The following LAMA4 variants were observed in gnomAD, a reference collection of about 807,000 sequenced individuals.
LAMA4 encodes the protein laminin subunit alpha 4.
Under a neutral mutation model 207.1 loss-of-function variants are expected in LAMA4, and 127 were observed. The observed-to-expected ratio is 0.61, with a 90% CI of 0.53 to 0.71. The LOEUF is 0.71. LAMA4 is among the 30% of genes least tolerant of loss of function. LAMA4 has a pLI of 0.00. For synonymous variants in LAMA4, 761 were observed against 816.0 expected, an observed-to-expected ratio of 0.93 and a Z score of 1.15; for missense variants, 2,093 against 2,246.5, an observed-to-expected ratio of 0.93 and a Z score of 1.38.
At chr6:112,153,229 T>C (rs1554336123) in intron 16 of LAMA4, among the ~76,000 whole-genome samples, 1 of 151,844 alleles carries the variant, frequency 6.6e-6, no homozygotes, top group Non-Finnish European at 1.5e-5. Flanking sequence ...TGGAGAAATG[T>C]AATCTGAAAT....
chr6:112,184,141 A>T (rs782779648), intron 9 of LAMA4, among the ~76,000 whole-genome samples: 2 of 152,052 alleles, frequency 1.3e-5, no homozygotes, highest in Non-Finnish European at 2.9e-5. Flanking sequence ...GCCGGGAACT[A>T]GGGACACAAT....
intron 10 of LAMA4, among the ~76,000 whole-genome samples, 179 bp downstream of exon 10, chr6:112,177,942 T>G (rs1302668468): frequency 6.6e-6 from 1 of 152,214 alleles, no homozygotes; most frequent in Non-Finnish European, 1.5e-5. Context: ...GGATGAGTGC[T>G]CAGAAATTCC....
At chr6:112,230,676 A>G (rs1425503835) in intron 2 of LAMA4, among the ~76,000 whole-genome samples, 2 of 152,190 alleles carry the variant, frequency 1.3e-5, no homozygotes, top group East Asian at 1.9e-4. Context: ...TTTAGGGCAC[A>G]CAGCTTAGCA....
intron 5 of LAMA4, among the ~76,000 whole-genome samples, chr6:112,195,758 C>T (rs1783377340): frequency 6.6e-6 from 1 of 152,144 alleles, no homozygotes; most frequent in Non-Finnish European, 1.5e-5. Context: ...ACTATTAAAG[C>T]TGCTATGGGA....
Position 112,186,195 on chromosome 6 carries a change from A to G in LAMA4, c.967-848T>C, listed in dbSNP as rs926183442. Reference sequence around the variant, plus strand: ...AGGTACTGTTCTAACTTCTGTACATATATCAATTCACTGAATTCTCTCAAC... The same window carrying G: ...AGGTACTGTTCTAACTTCTGTACATGTATCAATTCACTGAATTCTCTCAAC... On this transcript the variant is annotated intron_variant, in intron 8 of 38. Coordinates refer to ENST00000230538, the MANE Select transcript of LAMA4 (RefSeq NM_001105206.3). Among the ~76,000 whole-genome samples, 3 of 152,348 alleles carry G rather than the reference A, an allele frequency of 2.0e-5. No individual in the cohort carries two copies. In the East Asian group the frequency reaches 5.8e-4, roughly 29 times the overall value.
In LAMA4 at chr6:112,172,614, A is replaced by T; in HGVS notation, c.1548T>A (p.His516Gln). The change falls in exon 12 of 39, where the codon CAT becomes CAA. Residue 516 changes from histidine to glutamine, a missense_variant. Physicochemically the swap from His to Gln is conservative, Grantham distance 24 (BLOSUM62 0). This residue lies in a region of LAMA4 where 1,704 missense variants were observed against 1,788.4 expected (regional missense o/e 0.95). Transcript: ENST00000230538. ...NRATAARQRD[H>Q]EKQQERVREQ... ...TGATGGTGAGTGTCCGCTGTACCTC[A>T]TGGTCCCGCTGCCTGGCTGCTGTGG... 1 of 1,612,648 alleles carries T rather than the reference A, an allele frequency of 6.2e-7. No homozygotes were observed. Among genetic ancestry groups the T allele is most frequent in the Non-Finnish European group, 8.5e-7 (1 of 1,179,940 alleles).
chr6:112,204,529 A>T (rs1488356017), intron 4 of LAMA4, among the ~76,000 whole-genome samples: 5 of 150,442 alleles, frequency 3.3e-5, no homozygotes, highest in Middle Eastern at 3.4e-3. Context: ...TTCTGAGCAG[A>T]TGAGGCTACA....
At chr6:112,123,104 T>C (rs1253870985) in intron 31 of LAMA4, among the ~76,000 whole-genome samples, 1 of 152,176 alleles carries the variant, frequency 6.6e-6, no homozygotes, top group Non-Finnish European at 1.5e-5. Context: ...AAGTTTTGTT[T>C]TTTAGGTGAT....
chr6:112,203,810 G>T (rs1374967322), intron 4 of LAMA4, among the ~76,000 whole-genome samples: 1 of 152,142 alleles, frequency 6.6e-6, no homozygotes, highest in Non-Finnish European at 1.5e-5. Context: ...TTTTCAGTAG[G>T]TTTTTCAACC....
chr6:112,211,567 A>G (rs1784356276), intron 3 of LAMA4, among the ~76,000 whole-genome samples: 1 of 152,234 alleles, frequency 6.6e-6, no homozygotes, highest in African/African-American at 2.4e-5. Flanking sequence ...ACAAAGAACA[A>G]TACAGTGTGT....
Position 112,144,889 on chromosome 6 carries a change from G to A in LAMA4, c.2398C>T (p.Arg800Cys), listed in dbSNP as rs202184174. 8.5e-5 allele frequency: 137 copies of A among 1,613,886 alleles called. No homozygotes were observed. The African/African-American group carries it at 1.7e-3, about 20-fold the overall frequency. Reference protein sequence around the residue: ...EVVPQLLDQLRTVEQKRPASN... With the variant: ...EVVPQLLDQLCTVEQKRPASN... ...GCAGGTCGCTTCTGCTCAACCGTAC[G>A]AAGCTGATCCAGGAGCTGAGGGACA... The change falls in exon 19 of 39, where the codon CGT becomes TGT. Residue 800 changes from arginine (R) to cysteine (C), a missense_variant. Physicochemically the swap from Arg to Cys is radical, Grantham distance 180. Coordinates refer to ENST00000230538, the MANE Select transcript of LAMA4 (RefSeq NM_001105206.3).
intron 24 of LAMA4, 80 bp from the exon 25 acceptor site, chr6:112,136,334 A>C (rs1779345575): frequency 8.9e-7 from 1 of 1,121,348 alleles, no homozygotes; most frequent in Admixed American, 1.7e-5. Context: ...GAGAAATAAG[A>C]CTGTATTCTT....
chr6:112,215,157 G>C (rs1784559646), intron 3 of LAMA4, among the ~76,000 whole-genome samples: 1 of 152,204 alleles, frequency 6.6e-6, no homozygotes, highest in Non-Finnish European at 1.5e-5. Flanking sequence ...GCATTAGAAA[G>C]GAGTAGACTT....
chr6:112,191,865 C>T lies in LAMA4; in HGVS notation c.504-15G>A. ...CGGGAGCACATCTGAAGAGGAATAT[C>T]ACACATTTAAATATTTAGCATCATG... On this transcript the variant is annotated splice_polypyrimidine_tract_variant and intron_variant, in intron 5 of 38. Coordinates refer to ENST00000230538, the MANE Select transcript of LAMA4 (RefSeq NM_001105206.3). 2.6e-6 allele frequency: 4 copies of T among 1,563,788 alleles called. No individual in the cohort carries two copies. Among genetic ancestry groups the T allele is most frequent in the Non-Finnish European group, 3.5e-6 (4 of 1,135,110 alleles).
At position 112,155,615 on chromosome 6, in the gene LAMA4, C is replaced by T. The variant is rs1554336733; in HGVS notation, c.1909G>A (p.Ala637Thr). Residue 637 changes from alanine to threonine, a missense_variant, in exon 15 of 39, where the codon GCC becomes ACC. Ala to Thr is a moderately conservative substitution (Grantham distance 58, BLOSUM62 0). Coordinates refer to ENST00000230538, the MANE Select transcript of LAMA4 (RefSeq NM_001105206.3). Reference sequence around the variant, plus strand: ...AAAGCAAATTCTGCTGTTTCATTGGCTTCACTAACATAATTAACAATATTT... The same window carrying T: ...AAAGCAAATTCTGCTGTTTCATTGGTTTCACTAACATAATTAACAATATTT... ...YENIVNYVSE[A>T]NETAEFALNT... is the part of the protein sequence containing the mutation. 6.2e-7 allele frequency: 1 copy of T among 1,614,086 alleles called. No homozygotes were observed.
chr6:112,165,255 C>T lies in LAMA4; in HGVS notation c.1573G>A (p.Glu525Lys), dbSNP rs782045945. ...GACATGTTCACCACTTCCATTTGTT[C>T]CCTCACTCTTTCCTGTTGTTTCTGC... ...DHEKQQERVREQMEVVNMSLS... is the reference protein window; with the variant it reads ...DHEKQQERVRKQMEVVNMSLS... Residue 525 changes from glutamate (E) to lysine (K), a missense_variant, in exon 13 of 39, where the codon GAA becomes AAA. Glu to Lys is a moderately conservative substitution (Grantham distance 56, BLOSUM62 1). Coordinates refer to ENST00000230538, the MANE Select transcript of LAMA4 (RefSeq NM_001105206.3). 4 of 1,612,374 alleles carry T rather than the reference C, an allele frequency of 2.5e-6. No homozygotes were observed. Among genetic ancestry groups the T allele is most frequent in the South Asian group, 2.2e-5 (2 of 91,046 alleles).
chr6:112,136,110 C>T lies in LAMA4; in HGVS notation c.3414+13G>A, dbSNP rs782775128. 2 of 1,610,492 alleles carry T rather than the reference C, an allele frequency of 1.2e-6. No individual in the cohort carries two copies. Among genetic ancestry groups the T allele is most frequent in the Admixed American group, 3.3e-5 (2 of 59,990 alleles). ...AACAAAAACAAAACCAACCAAACTA[C>T]AATGATTTGTACCTCATGGTATTTT... On this transcript the variant is annotated intron_variant, in intron 25 of 38. Coordinates refer to ENST00000230538, the MANE Select transcript of LAMA4 (RefSeq NM_001105206.3).
At chr6:112,178,553 T>G in intron 9 of LAMA4, 1 of 334,642 alleles carries the variant, frequency 3.0e-6, no homozygotes, top group Non-Finnish European at 5.7e-6. Flanking sequence ...GCACCATATT[T>G]GTAGTCTTTT....
chr6:112,162,542 T>C (rs1781118532), intron 13 of LAMA4, among the ~76,000 whole-genome samples: 1 of 151,808 alleles, frequency 6.6e-6, no homozygotes, highest in East Asian at 1.9e-4. Context: ...ATTTTAGAGA[T>C]AAGGAGAAAG....
Sources: allele counts gnomAD v4.1 joint callset (sites outside exome capture counted in the v4.1 genomes callset), GRCh38; gene constraint gnomAD v4.1.1; regional missense constraint gnomAD v4.1.1; transcripts MANE v1.5; gene names NCBI Gene and HGNC (gene_info 2026-07-23, HGNC 2026-07-21).